The following WDFY3 variants were observed in gnomAD, a reference collection of about 807,000 sequenced individuals.
WDFY3 encodes WD repeat and FYVE domain containing 3, also known as WD repeat and FYVE domain-containing protein 3.
In WDFY3, 66 loss-of-function variants were observed where a neutral mutation model predicts 409.6. The ratio of observed to expected loss-of-function variants is 0.16; its 90% CI spans 0.13 to 0.20. The LOEUF (loss-of-function observed/expected upper bound fraction) is 0.20. Ranked by LOEUF, WDFY3 falls within the 10% of genes least tolerant of loss-of-function variation. The pLI is 1.00. For missense variants in WDFY3, 3,031 were observed against 4,298.1 expected, an observed-to-expected ratio of 0.71 and a Z score of 8.24; for synonymous variants, 1,521 against 1,537.1, an observed-to-expected ratio of 0.99 and a Z score of 0.25.
At chr4:84,870,923 C>G (rs1340398828) in intron 3 of WDFY3, among the ~76,000 whole-genome samples, 3 of 151,722 alleles carry the variant, frequency 2.0e-5, no homozygotes, top group Non-Finnish European at 2.9e-5. Flanking sequence ...CAAAAGCACT[C>G]TAACAGATAT....
At chr4:84,789,676 AAACT>A in intron 22 of WDFY3, 46 bp downstream of exon 22, 2 of 1,512,174 alleles carry the variant, frequency 1.3e-6, no homozygotes, top group Admixed American at 1.7e-5. Context: ...CACACCCCCC[AAACT>A]ACTACCTTAT....
At chr4:84,928,487 G>C (rs1341257340) in intron 2 of WDFY3, among the ~76,000 whole-genome samples, 2 of 152,084 alleles carry the variant, frequency 1.3e-5, no homozygotes, top group Non-Finnish European at 2.9e-5. Context: ...TCGATAGCCT[G>C]TCTCTCGGGT....
At chr4:84,901,805 A>G (rs914942997) in intron 2 of WDFY3, among the ~76,000 whole-genome samples, 5 of 152,180 alleles carry the variant, frequency 3.3e-5, no homozygotes, top group Non-Finnish European at 7.4e-5. Context: ...TGGCTTTATA[A>G]TCCATTCACA....
chr4:84,956,338 G>A (rs1774234581), intron 1 of WDFY3, among the ~76,000 whole-genome samples: 2 of 152,142 alleles, frequency 1.3e-5, no homozygotes, highest in South Asian at 4.1e-4. Context: ...CTCAATGATC[G>A]CTATTATTTC....
chr4:84,754,292 G>A (rs1453597561), intron 34 of WDFY3, among the ~76,000 whole-genome samples: 1 of 152,046 alleles, frequency 6.6e-6, no homozygotes, highest in Non-Finnish European at 1.5e-5. Flanking sequence ...TCACTCTTAA[G>A]CATTATGTAA....
intron 1 of WDFY3, among the ~76,000 whole-genome samples, chr4:84,938,326 T>C (rs1771695665): frequency 6.6e-6 from 1 of 152,210 alleles, no homozygotes; most frequent in South Asian, 2.1e-4. Flanking sequence ...AAAAGAATCA[T>C]TCTAAAATTT....
intron 1 of WDFY3, among the ~76,000 whole-genome samples, chr4:84,964,026 A>C (rs576332602): frequency 1.3e-5 from 2 of 152,366 alleles, no homozygotes; most frequent in South Asian, 4.1e-4. Context: ...TTAATTTTAT[A>C]TCTAGAAGTT....
At chr4:84,898,624 T>C (rs762754826) in intron 2 of WDFY3, among the ~76,000 whole-genome samples, 5 of 152,180 alleles carry the variant, frequency 3.3e-5, no homozygotes, top group Non-Finnish European at 5.9e-5. Context: ...GAAAAAGTAA[T>C]AGTAAATCAT....
chr4:84,850,872 T>C (rs1283791283), intron 4 of WDFY3, among the ~76,000 whole-genome samples: 1 of 148,962 alleles, frequency 6.7e-6, no homozygotes, highest in Non-Finnish European at 1.5e-5. Context: ...TTTACACAAA[T>C]TTTAAAATAA....
In WDFY3 at chr4:84,796,511, A is replaced by G. The variant is rs201155942; in HGVS notation, c.3167+10T>C. The G allele has an allele frequency of 6.6e-7, 1 of 1,521,946 alleles. No homozygotes were observed. The highest frequency in any genetic ancestry group is 8.8e-7 in the Non-Finnish European group (1 of 1,130,622). 94.3% of individuals were successfully genotyped at this position (1,521,946 alleles called of 1,614,324 possible). On this transcript the variant is annotated intron_variant, in intron 19 of 67. Coordinates refer to ENST00000295888, the MANE Select transcript of WDFY3 (RefSeq NM_014991.6). ...AACCATAAAGGTTGGCTTCCTTGCAAATTTCTTACCCAAACCCTTCAAGTG... is the reference window on the plus strand; with the variant it reads ...AACCATAAAGGTTGGCTTCCTTGCAGATTTCTTACCCAAACCCTTCAAGTG...
intron 64 of WDFY3, 50 bp from the exon 65 acceptor site, chr4:84,679,292 A>G: frequency 7.0e-7 from 1 of 1,433,162 alleles, no homozygotes. Flanking sequence ...TCAAAGTTAC[A>G]CCCAGCTTTG....
intron 30 of WDFY3, among the ~76,000 whole-genome samples, chr4:84,771,620 A>G (rs1658024256): frequency 2.0e-5 from 3 of 152,182 alleles, no homozygotes. Flanking sequence ...CTGGGTTCCT[A>G]TATAGTCAAT....
chr4:84,698,729 T>C (rs984458507), intron 56 of WDFY3, among the ~76,000 whole-genome samples: 1 of 152,206 alleles, frequency 6.6e-6, no homozygotes, highest in African/African-American at 2.4e-5. Context: ...AGTCTTGCTC[T>C]GTTGCCCAGG....
chr4:84,829,097 C>G lies in WDFY3; in HGVS notation c.863G>C (p.Cys288Ser). 6.2e-7 allele frequency: 1 copy of G among 1,613,782 alleles called. No homozygotes were observed. The highest frequency in any genetic ancestry group is 1.1e-5 in the South Asian group (1 of 91,056). ...EIVEMFAGLSCFLKDSSDVSQ... is the reference protein window; with the variant it reads ...EIVEMFAGLSSFLKDSSDVSQ... ...AACATCGCTGGAATCTTTGAGGAAA[C>G]AAGAAAGCCCAGCAAACATTTCGAC... The change falls in exon 9 of 68, where the codon TGT (cysteine) becomes TCT (serine). Residue 288 changes from cysteine to serine, a missense_variant. Around this residue, in one of 16 missense-constraint regions of WDFY3, gnomAD observed 1,322 missense variants for 1,697.9 expected, o/e 0.78. Coordinates refer to ENST00000295888, the MANE Select transcript of WDFY3 (RefSeq NM_014991.6).
intron 47 of WDFY3, among the ~76,000 whole-genome samples, chr4:84,720,535 G>C (rs912490002): frequency 6.6e-6 from 1 of 152,076 alleles, no homozygotes; most frequent in Admixed American, 6.6e-5. Context: ...CATGGGGGTG[G>C]GCCCTTCATG....
intron 2 of WDFY3, among the ~76,000 whole-genome samples, chr4:84,908,053 G>A (rs1767283638): frequency 2.0e-5 from 3 of 152,080 alleles, no homozygotes; most frequent in Admixed American, 6.6e-5. Flanking sequence ...ATATATATAA[G>A]TACCAGTTGG....
intron 1 of WDFY3, among the ~76,000 whole-genome samples, chr4:84,952,605 C>G (rs979092664): frequency 1.3e-5 from 2 of 152,096 alleles, no homozygotes; most frequent in Non-Finnish European, 2.9e-5. Flanking sequence ...TTCTTTAAAG[C>G]CTGCCACTGA....
Position 84,803,427 on chromosome 4 carries a change from G to T in WDFY3, c.2470C>A (p.Pro824Thr), listed in dbSNP as rs1750975759. The change falls in exon 16 of 68, where the codon CCT becomes ACT. Residue 824 changes from proline (P) to threonine (T), a missense_variant. Coordinates refer to ENST00000295888, the MANE Select transcript of WDFY3 (RefSeq NM_014991.6). The stretch of plus-strand genomic sequence containing the variant: ...AGTTTCAGGTCGGCAACATTTTTAG[G>T]AGGGTAAACAGGGGGAGTTGAAACA... Reference protein sequence around the residue: ...HSVSTPPVYPPKNVADLKLHV... With the variant: ...HSVSTPPVYPTKNVADLKLHV... 1 of 1,613,860 alleles carries T rather than the reference G, an allele frequency of 6.2e-7. No individual in the cohort carries two copies. Among genetic ancestry groups the T allele is most frequent in the Non-Finnish European group, 8.5e-7 (1 of 1,179,962 alleles).
intron 32 of WDFY3, among the ~76,000 whole-genome samples, chr4:84,762,591 T>C (rs1486594728): frequency 6.6e-6 from 1 of 151,838 alleles, no homozygotes; most frequent in African/African-American, 2.4e-5. Flanking sequence ...TGTGCACATG[T>C]ACCCTAAAAC....
Sources: gnomAD v4.1 joint callset for allele counts (sites outside exome capture counted in the v4.1 genomes callset) on GRCh38, gnomAD v4.1.1 for gene constraint, gnomAD v4.1.1 regional missense constraint, MANE v1.5 for transcripts, NCBI Gene and HGNC (gene_info 2026-07-23, HGNC 2026-07-21) for gene names.